The following THRAP3 variants were observed in gnomAD, a reference collection of about 807,000 sequenced individuals.
THRAP3 encodes thyroid hormone receptor associated protein 3, also known as thyroid hormone receptor-associated protein 3.
A neutral mutation model predicts 101.0 loss-of-function variants in THRAP3; 16 were observed. The ratio of observed to expected loss-of-function variants is 0.16; its 90% CI spans 0.11 to 0.24. The LOEUF (loss-of-function observed/expected upper bound fraction) is 0.24. Ranked by LOEUF, THRAP3 falls within the 10% of genes least tolerant of loss-of-function variation. THRAP3 has a pLI of 1.00. For missense variants in THRAP3, 989 were observed against 1,202.7 expected (o/e 0.82, Z 2.63); for synonymous variants, 407 against 422.6 (o/e 0.96, Z 0.45).
chr1:36,244,818 A>T lies in THRAP3; in HGVS notation c.-134-14564A>T, dbSNP rs574089542. Among the ~76,000 whole-genome samples the T allele has an allele frequency of 2.6e-5, 4 of 152,116 alleles. No individual in the cohort carries two copies. In the East Asian group the frequency reaches 7.7e-4, roughly 29 times the overall value. Reference sequence around the variant, plus strand: ...CTGCAACCTCCGACTCCCTGGTTCAAGCAATTTTCCTGCCTCAGCCTCCTG... The same window carrying T: ...CTGCAACCTCCGACTCCCTGGTTCATGCAATTTTCCTGCCTCAGCCTCCTG... On this transcript the variant is annotated intron_variant, in intron 1 of 11. Transcript: ENST00000354618.
At chr1:36,240,711 A>G (rs530893685) in intron 1 of THRAP3, among the ~76,000 whole-genome samples, 3 of 152,288 alleles carry the variant, frequency 2.0e-5, no homozygotes, top group South Asian at 2.1e-4. Context: ...ATAGGTATCA[A>G]AATAATCCTG....
chr1:36,274,538 G>A (rs966687090), intron 2 of THRAP3, among the ~76,000 whole-genome samples: 1 of 151,422 alleles, frequency 6.6e-6, no homozygotes, highest in Non-Finnish European at 1.5e-5. Flanking sequence ...AATTAAGACT[G>A]TGGTGTTGAC....
chr1:36,277,020 G>GTT (rs1466475435), intron 2 of THRAP3, among the ~76,000 whole-genome samples: 1 of 152,090 alleles, frequency 6.6e-6, no homozygotes, highest in Non-Finnish European at 1.5e-5. Flanking sequence ...CCAGGCTGGA[G>GTT]TGTAATGGCA....
rs550500694 is a variant in THRAP3, at chr1:36,284,929, G to GT, written c.138-1430dup. 2.2e-4 allele frequency among the ~76,000 whole-genome samples: 33 copies of GT among 151,730 alleles called. 1 individual carries two copies. Among genetic ancestry groups the GT allele is most frequent in the Middle Eastern group, 6.8e-3 (2 of 294 alleles). ...TTCAAATGAAAAGTGTGGAAGGTAAGTTTTTTTTTAATTGTACTTAATTAC... is the reference window on the plus strand; with the variant it reads ...TTCAAATGAAAAGTGTGGAAGGTAAGTTTTTTTTTTAATTGTACTTAATTAC... On this transcript the variant is annotated intron_variant, in intron 3 of 11. Transcript: ENST00000354618.
At chr1:36,219,674 C>G (rs1331656922), upstream of THRAP3, among the ~76,000 whole-genome samples, 1 of 152,074 alleles carries the variant, frequency 6.6e-6, no homozygotes, top group East Asian at 1.9e-4. Flanking sequence ...TGGTGATCTG[C>G]CTGCCTCGGC....
rs1202261973 is a variant in THRAP3 at position 36,267,839 on chromosome 1, A to G, written c.-32+8355A>G. On this transcript the variant is annotated intron_variant, in intron 2 of 11. Transcript: ENST00000354618. ...TTCTGTTAGAAAAGGTCTGTTTTAC[A>G]ACTGGGAATCCAAAACATCCAAAGT... Among the ~76,000 whole-genome samples the G allele has an allele frequency of 3.5e-4, 17 of 48,210 alleles. 8 individuals carry two copies. The highest frequency in any genetic ancestry group is 1.0e-3 in the Admixed American group (3 of 2,968). 31.6% of individuals were successfully genotyped at this position (48,210 alleles called of 152,430 possible).
chr1:36,289,979 C>T (rs1313972859), intron 5 of THRAP3, among the ~76,000 whole-genome samples: 1 of 152,110 alleles, frequency 6.6e-6, no homozygotes, highest in Admixed American at 6.5e-5. Context: ...TGAAGTATCT[C>T]TTCAGTCCTT....
chr1:36,279,015 G>C (rs990385222), intron 2 of THRAP3, among the ~76,000 whole-genome samples: 11 of 152,120 alleles, frequency 7.2e-5, no homozygotes, highest in African/African-American at 2.4e-4. Context: ...CTCCGGGAAT[G>C]GGAGTCGGGG....
chr1:36,239,607 T>C (rs1011702709), intron 1 of THRAP3, among the ~76,000 whole-genome samples: 1 of 152,208 alleles, frequency 6.6e-6, no homozygotes, highest in Non-Finnish European at 1.5e-5. Context: ...AAGGCCTTTG[T>C]TTCCCTGGTT....
At chr1:36,243,841 C>CA (rs1645196317) in intron 1 of THRAP3, among the ~76,000 whole-genome samples, 1 of 141,616 alleles carries the variant, frequency 7.1e-6, no homozygotes, top group African/African-American at 2.6e-5. Flanking sequence ...CCCCACACCT[C>CA]CCTCCCGGAC....
At chr1:36,274,075 G>C (rs74432389) in intron 2 of THRAP3, among the ~76,000 whole-genome samples, 6 of 1,610 alleles carry the variant, frequency 3.7e-3, no homozygotes, top group African/African-American at 4.0e-3. Context: ...GTGTGTGTGT[G>C]TCACACACAC....
At chr1:36,210,917 A>G in the THRAP3 span, among the ~76,000 whole-genome samples, 1 of 148,876 alleles carries the variant, frequency 6.7e-6, no homozygotes, top group Middle Eastern at 3.2e-3. Context: ...GAATTTTAAA[A>G]ACATCTTGAG....
upstream of THRAP3, among the ~76,000 whole-genome samples, chr1:36,223,653 C>T (rs138403622): frequency 1.2e-4 from 19 of 152,298 alleles, no homozygotes; most frequent in East Asian, 3.5e-3. Context: ...GTAAGAATCA[C>T]CCGAGAGATC....
chr1:36,212,837 G>A, the THRAP3 span, among the ~76,000 whole-genome samples: 853 of 152,298 alleles, frequency 5.6e-3, 10 homozygotes, highest in African/African-American at 0.019. Flanking sequence ...GGGATACCAT[G>A]TGCAGAAATT....
chr1:36,265,360 T>C (rs1318602679), intron 2 of THRAP3, among the ~76,000 whole-genome samples: 1 of 152,078 alleles, frequency 6.6e-6, no homozygotes, highest in Non-Finnish European at 1.5e-5. Flanking sequence ...CTTTTTACAC[T>C]GTTAACCAAT....
chr1:36,302,046 T>C (rs1646036740), intron 11 of THRAP3, among the ~76,000 whole-genome samples: 1 of 152,152 alleles, frequency 6.6e-6, no homozygotes, highest in Admixed American at 6.6e-5. Flanking sequence ...CCGCTGTCCC[T>C]CTCTGCCACT....
At chr1:36,265,373 A>G (rs1433823489) in intron 2 of THRAP3, among the ~76,000 whole-genome samples, 1 of 152,174 alleles carries the variant, frequency 6.6e-6, no homozygotes, top group East Asian at 1.9e-4. Flanking sequence ...TAACCAATAC[A>G]AACGAAAACC....
intron 2 of THRAP3, among the ~76,000 whole-genome samples, chr1:36,266,420 A>G (rs1259610529): frequency 6.6e-6 from 1 of 152,162 alleles, no homozygotes; most frequent in East Asian, 1.9e-4. Context: ...TGCCTGCTGT[A>G]TTTTGGAACC....
chr1:36,265,086 G>T (rs1217225861), intron 2 of THRAP3, among the ~76,000 whole-genome samples: 3 of 152,136 alleles, frequency 2.0e-5, no homozygotes, highest in Non-Finnish European at 4.4e-5. Context: ...GGTACTAGGG[G>T]TTAGGACTTC....
Sources: gnomAD v4.1 joint callset for allele counts (sites outside exome capture counted in the v4.1 genomes callset) on GRCh38, gnomAD v4.1.1 for gene constraint, MANE v1.5 for transcripts, NCBI Gene and HGNC (gene_info 2026-07-23, HGNC 2026-07-21) for gene names.